The following MAGI2 variants were observed in gnomAD, a reference collection of about 807,000 sequenced individuals.
The protein encoded by MAGI2 is membrane associated guanylate kinase, WW and PDZ domain containing 2.
Under a neutral mutation model 133.3 loss-of-function variants are expected in MAGI2, and 35 were observed. That is an observed-to-expected ratio of 0.26 (90% CI 0.20 to 0.35). The LOEUF is 0.35. Ranked by LOEUF, MAGI2 falls within the 10% of genes least tolerant of loss-of-function variation. The pLI is 1.00. For missense variants in MAGI2, 1,636 were observed against 1,863.4 expected, an observed-to-expected ratio of 0.88 and a Z score of 2.25; for synonymous variants, 729 against 710.6, an observed-to-expected ratio of 1.03 and a Z score of -0.41.
At chr7:78,885,611 C>T (rs1285955295) in intron 2 of MAGI2, among the ~76,000 whole-genome samples, 1 of 133,902 alleles carries the variant, frequency 7.5e-6, no homozygotes, top group Non-Finnish European at 1.7e-5. Context: ...AACTGAGCAT[C>T]CTTTATTGAA....
intron 1 of MAGI2, among the ~76,000 whole-genome samples, chr7:79,048,040 A>G (rs1812337266): frequency 6.6e-6 from 1 of 152,204 alleles, no homozygotes; most frequent in African/African-American, 2.4e-5. Context: ...CTGTCAAAGC[A>G]TGGGGCTTTG....
intron 2 of MAGI2, among the ~76,000 whole-genome samples, chr7:78,961,141 A>G (rs1423703348): frequency 5.9e-5 from 9 of 152,134 alleles, no homozygotes; most frequent in East Asian, 3.9e-4. Flanking sequence ...GTACTTAGGG[A>G]TCTTTATTGC....
At chr7:78,208,044 A>AT (rs1448523242) in intron 10 of MAGI2, among the ~76,000 whole-genome samples, 1 of 147,456 alleles carries the variant, frequency 6.8e-6, no homozygotes, top group Non-Finnish European at 1.5e-5. Flanking sequence ...TAATTTTTGT[A>AT]TTTTTAGTAG....
intron 1 of MAGI2, among the ~76,000 whole-genome samples, chr7:79,226,832 C>A (rs1309190538): frequency 3.9e-5 from 6 of 152,066 alleles, no homozygotes; most frequent in African/African-American, 1.4e-4. Flanking sequence ...AGTGTCCATG[C>A]CATACTATGC....
chr7:78,758,798 G>T (rs538372342), intron 2 of MAGI2, among the ~76,000 whole-genome samples: 32 of 152,204 alleles, frequency 2.1e-4, no homozygotes, highest in African/African-American at 7.0e-4. Flanking sequence ...TTCTACAATT[G>T]AAAGAGTAAT....
intron 21 of MAGI2, among the ~76,000 whole-genome samples, chr7:78,027,958 T>G (rs1277399047): frequency 2.0e-5 from 3 of 152,266 alleles, no homozygotes; most frequent in African/African-American, 7.2e-5. Context: ...TATTGAAATC[T>G]ATTTTCTTTT....
intron 2 of MAGI2, among the ~76,000 whole-genome samples, chr7:78,700,403 T>C (rs1817947031): frequency 6.6e-6 from 1 of 152,122 alleles, no homozygotes; most frequent in African/African-American, 2.4e-5. Flanking sequence ...AAAATGAATT[T>C]GGAAGCTTCT....
chr7:78,055,241 C>T (rs935300413), intron 21 of MAGI2, among the ~76,000 whole-genome samples: 12 of 152,252 alleles, frequency 7.9e-5, no homozygotes, highest in South Asian at 2.1e-4. Flanking sequence ...GAGACAAGGT[C>T]ACAGAAAGGC....
At chr7:78,590,658 C>T (rs1286992043) in intron 3 of MAGI2, among the ~76,000 whole-genome samples, 1 of 152,212 alleles carries the variant, frequency 6.6e-6, no homozygotes, top group Non-Finnish European at 1.5e-5. Flanking sequence ...TGGGTTGTCA[C>T]TGCAGAAGCC....
At chr7:79,069,480 C>A (rs1199127005) in intron 1 of MAGI2, among the ~76,000 whole-genome samples, 1 of 152,006 alleles carries the variant, frequency 6.6e-6, no homozygotes, top group African/African-American at 2.4e-5. Context: ...TTATTTTGAG[C>A]TTATTTGTGT....
chr7:79,040,112 A>G lies in MAGI2; in HGVS notation c.302-32906T>C, dbSNP rs1018370780. On this transcript the variant is annotated intron_variant, in intron 1 of 21. Coordinates refer to ENST00000354212, the MANE Select transcript of MAGI2 (RefSeq NM_012301.4). ...ATAGGTCAAGGGAGAGACCAGGTGG[A>G]GGTAATTGAGTCATGGGGGTGGTTT... Among the ~76,000 whole-genome samples, 8 of 151,894 alleles carry G rather than the reference A, an allele frequency of 5.3e-5. No homozygotes were observed. The East Asian group carries it at 1.6e-3, about 30-fold the overall frequency.
intron 9 of MAGI2, among the ~76,000 whole-genome samples, chr7:78,300,839 G>A (rs1489911461): frequency 6.6e-6 from 1 of 152,160 alleles, no homozygotes. Flanking sequence ...TCCTTGGAAA[G>A]GAATAACAAA....
intron 10 of MAGI2, among the ~76,000 whole-genome samples, chr7:78,224,562 A>G (rs1209570153): frequency 6.6e-6 from 1 of 151,972 alleles, no homozygotes; most frequent in African/African-American, 2.4e-5. Context: ...ACTACTTGGG[A>G]GGCTGACGCA....
intron 2 of MAGI2, among the ~76,000 whole-genome samples, chr7:78,765,335 G>C (rs1201568946): frequency 7.6e-6 from 1 of 132,430 alleles, no homozygotes; most frequent in Non-Finnish European, 1.6e-5. Flanking sequence ...CAAATGTTTA[G>C]TGCACATCTT....
At chr7:78,662,337 T>C (rs1019484672) in intron 2 of MAGI2, among the ~76,000 whole-genome samples, 5 of 152,192 alleles carry the variant, frequency 3.3e-5, no homozygotes, top group African/African-American at 1.2e-4. Flanking sequence ...GCTTAGTGGG[T>C]TCCAAAGAAT....
intron 2 of MAGI2, among the ~76,000 whole-genome samples, chr7:78,705,569 C>G (rs1370915713): frequency 6.6e-6 from 1 of 152,098 alleles, no homozygotes; most frequent in Non-Finnish European, 1.5e-5. Context: ...TCAAGTGATG[C>G]TGACAAACTT....
At chr7:78,612,091 T>A (rs561185848) in intron 3 of MAGI2, among the ~76,000 whole-genome samples, 1 of 152,342 alleles carries the variant, frequency 6.6e-6, no homozygotes, top group South Asian at 2.1e-4. Context: ...TTTCTACCTC[T>A]ACTATTGTTT....
chr7:79,192,400 A>G (rs1827749879), intron 1 of MAGI2, among the ~76,000 whole-genome samples: 1 of 151,844 alleles, frequency 6.6e-6, no homozygotes, highest in Admixed American at 6.6e-5. Context: ...AACCATTTAG[A>G]ATGGTTAATC....
At chr7:78,308,642 T>A (rs902555215) in intron 9 of MAGI2, among the ~76,000 whole-genome samples, 4 of 152,066 alleles carry the variant, frequency 2.6e-5, no homozygotes, top group African/African-American at 9.7e-5. Context: ...CCTTTTCAGG[T>A]GTTCCATTAC....
Sources: gnomAD v4.1 joint callset for allele counts (sites outside exome capture counted in the v4.1 genomes callset) on GRCh38, gnomAD v4.1.1 for gene constraint, MANE v1.5 for transcripts, NCBI Gene and HGNC (gene_info 2026-07-23, HGNC 2026-07-21) for gene names.